Variants in PHIP observed in about 807,000 individuals in gnomAD.
The protein encoded by PHIP is PHIP subunit of CUL4-Ring ligase complex.
A neutral mutation model predicts 236.8 loss-of-function variants in PHIP; 54 were observed. The observed-to-expected ratio is 0.23, with a 90% confidence interval of 0.18 to 0.29. The LOEUF (loss-of-function observed/expected upper bound fraction) is 0.29, where lower values mean the gene tolerates loss of function less well. Among genes scored for constraint, PHIP ranks in the 10% least tolerant of loss-of-function variants. PHIP has a pLI of 1.00. For missense variants in PHIP, 1,370 were observed against 2,190.8 expected (o/e 0.63, Z 7.48); for synonymous variants, 756 against 718.9 (o/e 1.05, Z -0.83).
At chr6:79,018,458 T>C (rs1453301789) in intron 10 of PHIP, among the ~76,000 whole-genome samples, 1 of 151,890 alleles carries the variant, frequency 6.6e-6, no homozygotes, top group Non-Finnish European at 1.5e-5. Context: ...AAAATAAAGG[T>C]AGGAGGAACA....
chr6:79,042,184 A>C (rs1242380083), intron 7 of PHIP, among the ~76,000 whole-genome samples: 1 of 152,030 alleles, frequency 6.6e-6, no homozygotes, highest in East Asian at 1.9e-4. Flanking sequence ...CTGAAAATCA[A>C]ATATTTCCAA....
chr6:79,040,054 A>C (rs1187142937), intron 7 of PHIP, among the ~76,000 whole-genome samples: 1 of 152,166 alleles, frequency 6.6e-6, no homozygotes, highest in Non-Finnish European at 1.5e-5. Flanking sequence ...TTGGATAAAA[A>C]ATAAAAGATA....
intron 24 of PHIP, among the ~76,000 whole-genome samples, chr6:78,974,063 C>T (rs1463013968): frequency 2.0e-5 from 3 of 152,166 alleles, no homozygotes; most frequent in Middle Eastern, 3.2e-3. Flanking sequence ...CTCAAATCAA[C>T]AGAATATACA....
At chr6:79,000,764 T>G (rs1384119409) in intron 17 of PHIP, among the ~76,000 whole-genome samples, 4 of 152,088 alleles carry the variant, frequency 2.6e-5, no homozygotes, top group Admixed American at 2.6e-4. Context: ...GAATACTACT[T>G]ATTCTTTGAG....
intron 15 of PHIP, among the ~76,000 whole-genome samples, chr6:79,009,344 A>T (rs975714385): frequency 6.6e-6 from 1 of 152,030 alleles, no homozygotes; most frequent in East Asian, 1.9e-4. Flanking sequence ...TATAAAATTC[A>T]TTCTCTTTCT....
chr6:79,023,447 G>A (rs915014390), intron 9 of PHIP, among the ~76,000 whole-genome samples: 13 of 151,892 alleles, frequency 8.6e-5, no homozygotes, highest in Middle Eastern at 3.4e-3. Flanking sequence ...AATTTTAAGG[G>A]ACAAGAATAG....
At position 78,939,334 on chromosome 6, in the gene PHIP, T is replaced by C. The variant is rs1478256892; in HGVS notation, c.*1359A>G. 1 of 151,708 alleles carries C rather than the reference T, an allele frequency of 6.6e-6. No homozygotes were observed. The highest frequency in any genetic ancestry group is 1.5e-5 in the Non-Finnish European group (1 of 67,680). The allele number at this position is 151,708 out of a possible 1,614,324, so 9.4% of individuals were successfully genotyped here. ...ATGGAGTTTTTCTTTAGGGTGTATA[T>C]TGACATACCAGCATGATAAGGATAC... On this transcript the variant is annotated 3_prime_UTR_variant, in exon 40 of 40. Coordinates refer to ENST00000275034, the MANE Select transcript of PHIP (RefSeq NM_017934.7).
At chr6:78,997,304 C>T in intron 19 of PHIP, 110 bp downstream of exon 19, 1 of 859,682 alleles carries the variant, frequency 1.2e-6, no homozygotes. Context: ...ACTGCCCTTC[C>T]AGAAAAATTT....
chr6:79,077,676 GCGCCGGGCCGC>G lies in PHIP; in HGVS notation c.129+13_129+23del. On this transcript the variant is annotated intron_variant, in intron 3 of 39. Transcript: ENST00000275034. ...AGAGGCGGCCGCGCGGCGGCGGGAC[GCGCCGGGCCGC>G]CGCCGCCCTTACCTCCTTCTCGGCC... The G allele has an allele frequency of 1.0e-6, 1 of 974,116 alleles. No individual in the cohort carries two copies. Among genetic ancestry groups the G allele is most frequent in the Non-Finnish European group, 1.2e-6 (1 of 823,132 alleles). The allele number at this position is 974,116 out of a possible 1,614,324, so 60.3% of individuals were successfully genotyped here.
intron 22 of PHIP, among the ~76,000 whole-genome samples, 191 bp from the exon 23 acceptor site, chr6:78,983,308 C>CA (rs1005565091): frequency 6.6e-6 from 1 of 151,902 alleles, no homozygotes; most frequent in Non-Finnish European, 1.5e-5. Flanking sequence ...TTAAATATCG[C>CA]AAAAAAACTC....
chr6:78,968,118 G>A (rs1172936824), intron 27 of PHIP, among the ~76,000 whole-genome samples: 1 of 152,138 alleles, frequency 6.6e-6, no homozygotes, highest in Non-Finnish European at 1.5e-5. Context: ...CTGGGTGACA[G>A]AGCGAGACTC....
At chr6:78,941,353 T>A (rs752666413) in intron 39 of PHIP, 23 bp from the exon 40 acceptor site, 3 of 1,569,248 alleles carry the variant, frequency 1.9e-6, no homozygotes, top group Non-Finnish European at 2.6e-6. Flanking sequence ...AACAGTACAC[T>A]TAATATATGG....
intron 17 of PHIP, 76 bp downstream of exon 17, chr6:79,001,823 A>G: frequency 4.5e-6 from 4 of 898,106 alleles, no homozygotes; most frequent in Non-Finnish European, 7.3e-6. Context: ...CTGCAAACAA[A>G]GTTTTACTCA....
At chr6:78,974,889 C>A (rs2127711474) in intron 24 of PHIP, among the ~76,000 whole-genome samples, 1 of 151,672 alleles carries the variant, frequency 6.6e-6, no homozygotes, top group Non-Finnish European at 1.5e-5. Flanking sequence ...CAACAGCTTA[C>A]CAACCAAAAA....
At chr6:78,990,256 T>TAAAAG (rs929794062) in intron 20 of PHIP, among the ~76,000 whole-genome samples, 2 of 151,784 alleles carry the variant, frequency 1.3e-5, no homozygotes, top group African/African-American at 2.4e-5. Flanking sequence ...TTCTCCAAAA[T>TAAAAG]AAAAGAAAAG....
At chr6:78,988,176 G>A in intron 21 of PHIP, 33 bp downstream of exon 21, 3 of 1,433,642 alleles carry the variant, frequency 2.1e-6, no homozygotes, top group Non-Finnish European at 2.8e-6. Flanking sequence ...AAGTAAAAAT[G>A]ACATCTAATT....
At chr6:78,992,209 C>A (rs982878117) in intron 19 of PHIP, among the ~76,000 whole-genome samples, 12 of 152,084 alleles carry the variant, frequency 7.9e-5, no homozygotes, top group African/African-American at 2.7e-4. Context: ...TGATCCCCCC[C>A]ACCTCGGCCT....
At chr6:78,975,798 C>T (rs1266327444) in intron 24 of PHIP, among the ~76,000 whole-genome samples, 1 of 151,068 alleles carries the variant, frequency 6.6e-6, no homozygotes, top group Non-Finnish European at 1.5e-5. Flanking sequence ...AATAAAATAC[C>T]TAGGAATCCA....
chr6:79,048,220 C>T (rs1772600661), intron 6 of PHIP, among the ~76,000 whole-genome samples: 1 of 151,952 alleles, frequency 6.6e-6, no homozygotes, highest in Admixed American at 6.6e-5. Context: ...AACTTTACTA[C>T]CAAACTGACA....
Sources: gnomAD v4.1 joint callset for allele counts (sites outside exome capture counted in the v4.1 genomes callset) on GRCh38, gnomAD v4.1.1 for gene constraint, MANE v1.5 for transcripts, NCBI Gene and HGNC (gene_info 2026-07-23, HGNC 2026-07-21) for gene names.